The following PDIA4 variants were observed in gnomAD, a reference collection of about 807,000 sequenced individuals.
PDIA4 encodes protein disulfide-isomerase A4.
PDIA4 carries 33 observed loss-of-function variants against 62.1 expected under a neutral mutation model. The observed-to-expected ratio is 0.53, with a 90% CI of 0.40 to 0.71. PDIA4 has a LOEUF of 0.71. Ranked by LOEUF, PDIA4 falls within the 30% of genes least tolerant of loss-of-function variation. The probability of loss-of-function intolerance (pLI) is 0.00; values close to 1 mark genes in which losing one functional copy is unlikely to be tolerated. For missense variants in PDIA4, 804 were observed against 813.6 expected, an observed-to-expected ratio of 0.99 and a Z score of 0.14; for synonymous variants, 341 against 324.1, an observed-to-expected ratio of 1.05 and a Z score of -0.56.
At chr7:149,009,301 C>T (rs1823864751) in intron 6 of PDIA4, among the ~76,000 whole-genome samples, 1 of 152,052 alleles carries the variant, frequency 6.6e-6, no homozygotes. Context: ...AAATAAATAA[C>T]AACAACAACA....
intron 1 of PDIA4, among the ~76,000 whole-genome samples, chr7:149,024,961 C>T (rs1824495573): frequency 6.7e-6 from 1 of 148,188 alleles, no homozygotes; most frequent in Non-Finnish European, 1.5e-5. Flanking sequence ...CCCATCTCTA[C>T]TAAAAATACA....
rs554647833 is a variant in PDIA4 at position 149,015,850 on chromosome 7, G to T, written c.476-808C>A. On this transcript the variant is annotated intron_variant, in intron 3 of 9. Coordinates refer to ENST00000652332, the MANE Select transcript of PDIA4 (RefSeq NM_004911.5). The stretch of plus-strand genomic sequence containing the variant: ...TGCCCTGCCCCCCAGACCACACCCA[G>T]GGGTCCTGAGGCACTTAACACATAG... Among the ~76,000 whole-genome samples the T allele has an allele frequency of 2.6e-5, 4 of 152,368 alleles. No individual in the cohort carries two copies. The South Asian group carries it at 8.3e-4, about 32-fold the overall frequency.
Position 149,008,273 on chromosome 7 carries a change from A to G in PDIA4, c.1017T>C (p.Thr339=), listed in dbSNP as rs1823829034. ...AGAACTTTGCTATTTCTGTGCTGAAAGTGTGGTGAAATTTGTAATCTTCTC... is the reference window on the plus strand; with the variant it reads ...AGAACTTTGCTATTTCTGTGCTGAAGGTGTGGTGAAATTTGTAATCTTCTC... ...NLREDYKFHH[T]FSTEIAKFLK... Residue 339 remains threonine, a synonymous_variant, in exon 7 of 10, where the codon ACT becomes ACC. Transcript: ENST00000652332. The G allele has an allele frequency of 6.2e-7, 1 of 1,613,918 alleles. No homozygotes were observed. Among genetic ancestry groups the G allele is most frequent in the Admixed American group, 1.7e-5 (1 of 59,982 alleles).
chr7:149,021,095 T>TTCC lies in PDIA4; in HGVS notation c.138_140dup (p.Glu47dup), dbSNP rs747744596. 6.2e-6 allele frequency: 10 copies of TTCC among 1,609,302 alleles called. No individual in the cohort carries two copies. The highest frequency in any genetic ancestry group is 2.7e-5 in the African/African-American group (2 of 74,748). On this transcript the variant is annotated inframe_insertion, in exon 2 of 10. Coordinates refer to ENST00000652332, the MANE Select transcript of PDIA4 (RefSeq NM_004911.5). The stretch of plus-strand genomic sequence containing the variant: ...AGTCGTCTTCTTCCTCATCATCATC[T>TTCC]TCCTCCTCCTCCTCCTCTTCATCCT...
chr7:149,013,686 A>G (rs1183989109), intron 4 of PDIA4, among the ~76,000 whole-genome samples: 1 of 152,098 alleles, frequency 6.6e-6, no homozygotes, highest in Non-Finnish European at 1.5e-5. Context: ...GAAACCTAAG[A>G]AAACAAAACA....
At chr7:149,020,133 G>C (rs1824291464) in intron 2 of PDIA4, among the ~76,000 whole-genome samples, 1 of 152,196 alleles carries the variant, frequency 6.6e-6, no homozygotes, top group African/African-American at 2.4e-5. Context: ...CCTAATTTTT[G>C]TATTTTTAGT....
chr7:149,028,256 AG>A, intron 1 of PDIA4, 64 bp downstream of exon 1: 1 of 1,223,694 alleles, frequency 8.2e-7, no homozygotes, highest in South Asian at 1.4e-5. Flanking sequence ...CGCAGGGCCC[AG>A]GCCCCCGCAC....
Position 149,020,865 on chromosome 7 carries a change from A to G in PDIA4, c.269+102T>C, listed in dbSNP as rs1377324288. ...CTAGAGTGCAAGTTCCTGCACCCAG[A>G]CACTCCTACCCCACCCCCCAAGGTC... On this transcript the variant is annotated intron_variant, in intron 2 of 9. Transcript: ENST00000652332. The G allele has an allele frequency of 1.3e-5, 19 of 1,478,948 alleles. No individual in the cohort carries two copies. The East Asian group carries it at 4.2e-4, about 32-fold the overall frequency. 91.6% of individuals were successfully genotyped at this position (1,478,948 alleles called of 1,614,324 possible).
intron 3 of PDIA4, among the ~76,000 whole-genome samples, chr7:149,017,982 C>A (rs936187992): frequency 6.6e-6 from 1 of 152,204 alleles, no homozygotes; most frequent in Admixed American, 6.5e-5. Flanking sequence ...GTAATCCCAG[C>A]ACTTTAGGAG....
At chr7:149,005,404 C>T (rs7777113) in intron 8 of PDIA4, 30 bp from the exon 9 acceptor site, 324,280 of 1,479,118 alleles carry the variant, frequency 0.22, 39,653 homozygotes, top group African/African-American at 0.49. Flanking sequence ...ATAAGCCAGG[C>T]GGCCACACAG....
chr7:149,003,886 T>G lies in PDIA4; in HGVS notation c.1846A>C (p.Lys616Gln), dbSNP rs772742466. ...AGATCTCTGTCTCCACCCTCAAATT[T>G]AACTGGGTTCTTTTTGTCCCCACTG... ...APSGDKKNPV[K>Q]FEGGDRDLEH... Residue 616 changes from lysine (K) to glutamine (Q), a missense_variant, in exon 10 of 10, where the codon AAA becomes CAA. Lys to Gln is a moderately conservative substitution (Grantham distance 53). Transcript: ENST00000652332. 6.2e-7 allele frequency: 1 copy of G among 1,613,236 alleles called. No homozygotes were observed.
intron 1 of PDIA4, among the ~76,000 whole-genome samples, chr7:149,026,516 T>A (rs1389600961): frequency 6.6e-6 from 1 of 151,938 alleles, no homozygotes; most frequent in African/African-American, 2.4e-5. Context: ...CTGGGTGTGG[T>A]GGCACGTGCC....
At chr7:149,025,693 T>C (rs1446161140) in intron 1 of PDIA4, among the ~76,000 whole-genome samples, 1 of 152,208 alleles carries the variant, frequency 6.6e-6, no homozygotes, top group East Asian at 1.9e-4. Context: ...CACATTAGAT[T>C]TTCTTCCCAA....
At chr7:149,006,506 G>C (rs1384049290) in intron 7 of PDIA4, among the ~76,000 whole-genome samples, 1 of 152,224 alleles carries the variant, frequency 6.6e-6, no homozygotes, top group Non-Finnish European at 1.5e-5. Context: ...GGCAGAGCAA[G>C]GTCAGCCACC....
rs140572691 is a variant in PDIA4, at chr7:149,019,117, A to G, written c.350T>C (p.Val117Ala). 3.1e-3 allele frequency: 5,030 copies of G among 1,613,896 alleles called. 9 individuals are homozygous for G. Among genetic ancestry groups the G allele is most frequent in the Non-Finnish European group, 3.9e-3 (4,618 of 1,179,888 alleles). ...ILKDKDPPIP[V>A]AKIDATSASV... is the part of the protein sequence containing the mutation. ...CGCTGAGGTTGCATCGATCTTGGCA[A>G]CAGGAATGGGAGGATCTTTATCCTT... Residue 117 changes from valine to alanine, a missense_variant, in exon 3 of 10, where the codon GTT becomes GCT. Coordinates refer to ENST00000652332, the MANE Select transcript of PDIA4 (RefSeq NM_004911.5).
intron 7 of PDIA4, 77 bp downstream of exon 7, chr7:149,008,082 A>T: frequency 7.2e-7 from 1 of 1,381,264 alleles, no homozygotes; most frequent in South Asian, 1.3e-5. Context: ...CACGTTTGAA[A>T]CCTCAGAGGT....
At chr7:149,004,609 G>A (rs772316544) in intron 9 of PDIA4, among the ~76,000 whole-genome samples, 14 of 152,226 alleles carry the variant, frequency 9.2e-5, no homozygotes, top group Non-Finnish European at 1.5e-4. Flanking sequence ...GGGGCCATGT[G>A]CTCAGCCAAG....
chr7:149,018,522 C>T (rs1007427872), intron 3 of PDIA4, among the ~76,000 whole-genome samples: 2 of 152,066 alleles, frequency 1.3e-5, no homozygotes, highest in African/African-American at 2.4e-5. Flanking sequence ...ACCTCCGCTT[C>T]GTAGGTTCAA....
In PDIA4 at chr7:149,012,530, C is replaced by T. The variant is rs570606619; in HGVS notation, c.615-170G>A. Reference sequence around the variant, plus strand: ...CCTCAGGTGCTGTTGAGGGCGCTACCGCTGGACAGACACAAACTTCATCCC... The same window carrying T: ...CCTCAGGTGCTGTTGAGGGCGCTACTGCTGGACAGACACAAACTTCATCCC... On this transcript the variant is annotated intron_variant, in intron 4 of 9. Transcript: ENST00000652332. Among the ~76,000 whole-genome samples, 8 of 152,248 alleles carry T rather than the reference C, an allele frequency of 5.3e-5. No homozygotes were observed. The East Asian group carries it at 1.4e-3, about 26-fold the overall frequency.
Sources: allele counts gnomAD v4.1 joint callset (sites outside exome capture counted in the v4.1 genomes callset), GRCh38; gene constraint gnomAD v4.1.1; transcripts MANE v1.5; gene names NCBI Gene and HGNC (gene_info 2026-07-23, HGNC 2026-07-21).